The following MAD1L1 variants were observed in gnomAD, a reference collection of about 807,000 sequenced individuals.
MAD1L1 encodes mitotic arrest deficient 1 like 1, also known as mitotic spindle assembly checkpoint protein MAD1.
A neutral mutation model predicts 96.9 loss-of-function variants in MAD1L1; 95 were observed. That is an observed-to-expected ratio of 0.98 (90% CI 0.83 to 1.16). The LOEUF (loss-of-function observed/expected upper bound fraction) is 1.16. Among genes scored for constraint, MAD1L1 ranks in the 50% most tolerant of loss-of-function variants. MAD1L1 has a pLI of 0.00. For missense variants in MAD1L1, 1,007 were observed against 954.4 expected (o/e 1.06, Z -0.73); for synonymous variants, 473 against 396.6 (o/e 1.19, Z -2.29).
In MAD1L1 at chr7:1,851,771, T is replaced by C. The variant is rs898246727; in HGVS notation, c.1999-35543A>G. ...ACAGTGTCGCGAAACCTGTTCAGCA[T>C]CCCAGGCAGGCGCAGAAGGGCCTAA... is the stretch of plus-strand genomic sequence containing the variant. On this transcript the variant is annotated intron_variant, in intron 18 of 18. Coordinates refer to ENST00000265854, the MANE Select transcript of MAD1L1 (RefSeq NM_001013836.2). Among the ~76,000 whole-genome samples the C allele has an allele frequency of 2.0e-5, 3 of 152,130 alleles. No individual in the cohort carries two copies. In the South Asian group the frequency reaches 6.2e-4, roughly 32 times the overall value.
intron 13 of MAD1L1, among the ~76,000 whole-genome samples, chr7:2,013,407 T>C (rs1562606620): frequency 6.6e-6 from 1 of 152,246 alleles, no homozygotes; most frequent in Non-Finnish European, 1.5e-5. Flanking sequence ...TGTTCAGCTG[T>C]GCTCGCAGAC....
At chr7:2,229,093 G>A (rs774832253) in intron 3 of MAD1L1, among the ~76,000 whole-genome samples, 112 of 152,242 alleles carry the variant, frequency 7.4e-4, no homozygotes, top group African/African-American at 2.5e-3. Flanking sequence ...AAATGCACAC[G>A]CACACACAGT....
intron 18 of MAD1L1, among the ~76,000 whole-genome samples, chr7:1,862,660 G>C (rs1784588862): frequency 6.6e-6 from 1 of 152,226 alleles, no homozygotes; most frequent in Non-Finnish European, 1.5e-5. Flanking sequence ...TCTAGGTAAC[G>C]GTCTGCCTAC....
chr7:2,082,062 G>A (rs1440061726), intron 11 of MAD1L1, among the ~76,000 whole-genome samples: 1 of 152,170 alleles, frequency 6.6e-6, no homozygotes, highest in African/African-American at 2.4e-5. Context: ...AGATGTCAAA[G>A]CACAAGAACT....
At chr7:1,997,264 T>C (rs1377888223) in intron 14 of MAD1L1, among the ~76,000 whole-genome samples, 1 of 152,252 alleles carries the variant, frequency 6.6e-6, no homozygotes, top group African/African-American at 2.4e-5. Context: ...GTAAAGGAGC[T>C]GCAGGCTGGG....
rs960928226 is a variant in MAD1L1 at position 2,137,079 on chromosome 7, C to T, written c.1073+12073G>A. ...GCAGCCCTGACCCTGCTCTAGGCTC[C>T]GCTGTGGGGTGTGGGCTGCTCTCCT... On this transcript the variant is annotated intron_variant, in intron 11 of 18. Coordinates refer to ENST00000265854, the MANE Select transcript of MAD1L1 (RefSeq NM_001013836.2). 3.9e-5 allele frequency among the ~76,000 whole-genome samples: 6 copies of T among 152,148 alleles called. No individual in the cohort carries two copies. In the South Asian group the frequency reaches 6.2e-4, roughly 16 times the overall value.
intron 18 of MAD1L1, among the ~76,000 whole-genome samples, chr7:1,853,179 C>A (rs552958969): frequency 6.6e-6 from 1 of 152,170 alleles, no homozygotes; most frequent in East Asian, 1.9e-4. Context: ...GAAGGGACTG[C>A]GGATGTCATC....
chr7:1,898,437 G>C (rs1047257957), intron 17 of MAD1L1, 47 bp from the exon 18 acceptor site: 1 of 1,572,886 alleles, frequency 6.4e-7, no homozygotes, highest in East Asian at 2.2e-5. Flanking sequence ...CCAGGCCGGA[G>C]GGGTGGGGAC....
intron 10 of MAD1L1, among the ~76,000 whole-genome samples, chr7:2,206,953 T>C (rs1021701373): frequency 6.6e-6 from 1 of 152,024 alleles, no homozygotes; most frequent in African/African-American, 2.4e-5. Flanking sequence ...TGGTGGTCCA[T>C]GCCTGTAGTC....
Position 1,832,062 on chromosome 7 carries a change from G to C in MAD1L1, c.1999-15834C>G, listed in dbSNP as rs1354859702. Reference sequence around the variant, plus strand: ...ATTTTCTAAGGCTATAGTTGTCACAGAGTGCTTCCTCTAATGAATCTGGGC... The same window carrying C: ...ATTTTCTAAGGCTATAGTTGTCACACAGTGCTTCCTCTAATGAATCTGGGC... On this transcript the variant is annotated intron_variant, in intron 18 of 18. Coordinates refer to ENST00000265854, the MANE Select transcript of MAD1L1 (RefSeq NM_001013836.2). 5.9e-5 allele frequency among the ~76,000 whole-genome samples: 9 copies of C among 152,312 alleles called. No homozygotes were observed. In the Middle Eastern group the frequency reaches 0.014, roughly 230 times the overall value.
chr7:2,161,370 G>A (rs1016572041), intron 10 of MAD1L1, among the ~76,000 whole-genome samples: 2 of 152,056 alleles, frequency 1.3e-5, no homozygotes, highest in Non-Finnish European at 2.9e-5. Flanking sequence ...GCCTCCCGCG[G>A]TGCCGGGATT....
intron 11 of MAD1L1, among the ~76,000 whole-genome samples, chr7:2,139,407 CA>C (rs1202329169): frequency 6.6e-6 from 1 of 152,186 alleles, no homozygotes; most frequent in Non-Finnish European, 1.5e-5. Context: ...AGATGCCCCC[CA>C]CCCTCAGCAG....
chr7:1,912,986 C>T (rs1375225632), intron 17 of MAD1L1, among the ~76,000 whole-genome samples: 3 of 152,142 alleles, frequency 2.0e-5, no homozygotes, highest in African/African-American at 7.2e-5. Flanking sequence ...AACCTCAGCT[C>T]CCCGGCAGGC....
At chr7:2,111,752 G>A (rs1044171573) in intron 11 of MAD1L1, among the ~76,000 whole-genome samples, 5 of 152,178 alleles carry the variant, frequency 3.3e-5, no homozygotes, top group East Asian at 1.9e-4. Context: ...AAACCCTGGC[G>A]TGGCCCAGCA....
intron 11 of MAD1L1, among the ~76,000 whole-genome samples, chr7:2,126,054 G>A (rs7800516): frequency 0.05 from 7,676 of 152,240 alleles, 631 homozygotes; most frequent in African/African-American, 0.17. Flanking sequence ...AGCCCGGGGC[G>A]CTGGAGCAGT....
chr7:1,818,742 C>G (rs1349469507), intron 18 of MAD1L1, among the ~76,000 whole-genome samples: 2 of 152,030 alleles, frequency 1.3e-5, no homozygotes, highest in African/African-American at 4.8e-5. Context: ...GTCAGCAAGA[C>G]AGCTGCTCCC....
At chr7:1,977,351 G>A (rs981029543) in intron 15 of MAD1L1, among the ~76,000 whole-genome samples, 2 of 152,236 alleles carry the variant, frequency 1.3e-5, no homozygotes, top group African/African-American at 2.4e-5. Context: ...CGCAGCTGCT[G>A]GCCCAGGTGC....
rs1778639898 is a variant in MAD1L1, at chr7:1,936,841, A to G, written c.1653T>C (p.Ser551=). ...CCTCGCGCAGGCGCTGCCTGGCCACACTGGTGGGGTTCAGGCTCATGTGCA... is the reference window on the plus strand; with the variant it reads ...CCTCGCGCAGGCGCTGCCTGGCCACGCTGGTGGGGTTCAGGCTCATGTGCA... ...KVLHMSLNPT[S]VARQRLREDH... Residue 551 remains serine, a synonymous_variant, in exon 17 of 19, where the codon AGT becomes AGC. Coordinates refer to ENST00000265854, the MANE Select transcript of MAD1L1 (RefSeq NM_001013836.2). 4.4e-6 allele frequency: 7 copies of G among 1,606,548 alleles called. No individual in the cohort carries two copies. The highest frequency in any genetic ancestry group is 4.5e-5 in the East Asian group (2 of 44,582).
chr7:2,047,856 C>A (rs1254295418), intron 12 of MAD1L1, among the ~76,000 whole-genome samples: 1 of 152,204 alleles, frequency 6.6e-6, no homozygotes, highest in African/African-American at 2.4e-5. Flanking sequence ...CAATCACACA[C>A]GTGCACTCAC....
Sources: gnomAD v4.1 joint callset for allele counts (sites outside exome capture counted in the v4.1 genomes callset) on GRCh38, gnomAD v4.1.1 for gene constraint, MANE v1.5 for transcripts, NCBI Gene and HGNC (gene_info 2026-07-23, HGNC 2026-07-21) for gene names.